Variants in BAZ2B observed in about 807,000 individuals in gnomAD.
BAZ2B encodes bromodomain adjacent to zinc finger domain protein 2B.
BAZ2B carries 91 observed loss-of-function variants against 246.0 expected under a neutral mutation model. That is an observed-to-expected ratio of 0.37 (90% CI 0.31 to 0.44). The LOEUF (loss-of-function observed/expected upper bound fraction) is 0.44, where lower values mean the gene tolerates loss of function less well. Ranked by LOEUF, BAZ2B falls within the 20% of genes least tolerant of loss-of-function variation. BAZ2B has a pLI of 1.00. For missense variants in BAZ2B, 2,332 were observed against 2,533.7 expected (o/e 0.92, Z 1.71); for synonymous variants, 855 against 860.0 (o/e 0.99, Z 0.10).
intron 19 of BAZ2B, 85 bp downstream of exon 19, chr2:159,397,260 A>G: frequency 7.7e-7 from 1 of 1,295,576 alleles, no homozygotes; most frequent in Non-Finnish European, 1.1e-6. Context: ...TTTAAAGAAA[A>G]TATTTTGAAG....
At chr2:159,504,423 C>G (rs2082125680) in intron 2 of BAZ2B, among the ~76,000 whole-genome samples, 1 of 152,144 alleles carries the variant, frequency 6.6e-6, no homozygotes, top group South Asian at 2.1e-4. Context: ...ACTTTAGCCT[C>G]TAACTCCTGG....
chr2:159,553,519 C>T (rs2088647137), intron 2 of BAZ2B, among the ~76,000 whole-genome samples: 1 of 151,318 alleles, frequency 6.6e-6, no homozygotes, highest in South Asian at 2.1e-4. Flanking sequence ...AATGAGAAGC[C>T]ACCACACATT....
chr2:159,357,815 A>G (rs1045316859), intron 27 of BAZ2B, among the ~76,000 whole-genome samples: 1 of 152,222 alleles, frequency 6.6e-6, no homozygotes, highest in Non-Finnish European at 1.5e-5. Context: ...AATATTCAAC[A>G]TTCTTAAAGA....
At chr2:159,389,134 C>T (rs2063014920) in intron 21 of BAZ2B, among the ~76,000 whole-genome samples, 1 of 151,840 alleles carries the variant, frequency 6.6e-6, no homozygotes, top group African/African-American at 2.4e-5. Flanking sequence ...ACCAAACAAA[C>T]AAACAAAAAA....
intron 31 of BAZ2B, among the ~76,000 whole-genome samples, chr2:159,345,765 G>A (rs2067675665): frequency 6.6e-6 from 1 of 152,190 alleles, no homozygotes; most frequent in African/African-American, 2.4e-5. Flanking sequence ...GACAAACTGA[G>A]AGGACAACCA....
the BAZ2B span, among the ~76,000 whole-genome samples, chr2:159,687,416 G>A: frequency 2.8e-4 from 42 of 152,150 alleles, 2 homozygotes; most frequent in Non-Finnish European, 1.5e-5. Context: ...AAGAAAGGGT[G>A]GAGACTGTAG....
rs2062442903 is a variant in BAZ2B at position 159,319,322 on chromosome 2, A to C, written c.*943T>G. 6.6e-6 allele frequency: 1 copy of C among 152,646 alleles called. No individual in the cohort carries two copies. Among genetic ancestry groups the C allele is most frequent in the Non-Finnish European group, 1.5e-5 (1 of 68,030 alleles). The allele number at this position is 152,646 out of a possible 1,614,324, so 9.5% of individuals were successfully genotyped here. ...CTTTAATTTAGGCCCTGGTGGCTTAAAATTATATAACAAAATAGAAAAATG... is the reference window on the plus strand; with the variant it reads ...CTTTAATTTAGGCCCTGGTGGCTTACAATTATATAACAAAATAGAAAAATG... On this transcript the variant is annotated 3_prime_UTR_variant, in exon 37 of 37. Transcript: ENST00000392783. The surrounding 1 kb of genome is among the most constrained non-coding windows in gnomAD (Gnocchi z 4.0).
At chr2:159,521,353 T>C (rs1415971779) in intron 2 of BAZ2B, among the ~76,000 whole-genome samples, 2 of 152,098 alleles carry the variant, frequency 1.3e-5, no homozygotes, top group African/African-American at 4.8e-5. Context: ...TTTTCTTTCT[T>C]TTCCTTAAAA....
intron 2 of BAZ2B, among the ~76,000 whole-genome samples, chr2:159,492,285 C>A (rs1004487298): frequency 1.3e-5 from 2 of 152,170 alleles, no homozygotes; most frequent in Non-Finnish European, 2.9e-5. Context: ...ATGAATGACA[C>A]CCCTGACAAG....
At chr2:159,644,358 T>C in the BAZ2B span, among the ~76,000 whole-genome samples, 1 of 152,190 alleles carries the variant, frequency 6.6e-6, no homozygotes, top group East Asian at 1.9e-4. Flanking sequence ...AGGCTGGAGA[T>C]AAGTGTGTTT....
intron 2 of BAZ2B, among the ~76,000 whole-genome samples, chr2:159,539,166 G>A (rs2086361313): frequency 6.6e-6 from 1 of 152,140 alleles, no homozygotes; most frequent in South Asian, 2.1e-4. Flanking sequence ...CCTCTACTGT[G>A]CCATCTACCA....
intron 3 of BAZ2B, chr2:159,463,208 C>T: frequency 1.9e-6 from 1 of 523,700 alleles, no homozygotes; most frequent in Non-Finnish European, 3.7e-6. Context: ...AATTTAGCAG[C>T]TATGCATACC....
chr2:159,666,045 A>C, the BAZ2B span, among the ~76,000 whole-genome samples: 1 of 151,034 alleles, frequency 6.6e-6, no homozygotes, highest in Admixed American at 6.6e-5. Flanking sequence ...ACTTTTGTTC[A>C]TTTGTTAAAT....
intron 3 of BAZ2B, among the ~76,000 whole-genome samples, chr2:159,471,742 T>C (rs1277492472): frequency 6.6e-6 from 1 of 152,204 alleles, no homozygotes; most frequent in Admixed American, 6.5e-5. Flanking sequence ...AAAAAGTCCT[T>C]TATAATCTTT....
At chr2:159,666,765 G>A in the BAZ2B span, among the ~76,000 whole-genome samples, 1 of 152,120 alleles carries the variant, frequency 6.6e-6, no homozygotes, top group Admixed American at 6.5e-5. Context: ...AGAGGCAGGA[G>A]AATTGCTTGA....
the BAZ2B span, among the ~76,000 whole-genome samples, chr2:159,666,214 T>C: frequency 6.6e-6 from 1 of 151,864 alleles, no homozygotes; most frequent in African/African-American, 2.4e-5. Context: ...TTTTAAATTT[T>C]GATCTTTAAA....
chr2:159,626,417 T>A, the BAZ2B span, among the ~76,000 whole-genome samples: 1 of 152,078 alleles, frequency 6.6e-6, no homozygotes, highest in African/African-American at 2.4e-5. Context: ...ATTGACCACA[T>A]AAGACGTAAA....
intron 23 of BAZ2B, 93 bp downstream of exon 23, chr2:159,385,062 A>C: frequency 7.6e-7 from 1 of 1,320,890 alleles, no homozygotes; most frequent in Non-Finnish European, 1.1e-6. Context: ...GCTAGTCTGT[A>C]ACTTTCCAAT....
At position 159,566,440 on chromosome 2, in the gene BAZ2B, T is replaced by C. The variant is rs1682613144; in HGVS notation, c.-45-10575A>G. ...AGTTAGATTTAGACTGAATCAACCTTAGACAAAAAGCAAAGCCAGCAATTT... is the reference window on the plus strand; with the variant it reads ...AGTTAGATTTAGACTGAATCAACCTCAGACAAAAAGCAAAGCCAGCAATTT... On this transcript the variant is annotated intron_variant, in intron 1 of 36. Transcript: ENST00000392783. Among the ~76,000 whole-genome samples the C allele has an allele frequency of 2.0e-5, 3 of 152,212 alleles. No homozygotes were observed. The South Asian group carries it at 6.2e-4, about 31-fold the overall frequency.
Sources: gnomAD v4.1 joint callset for allele counts (sites outside exome capture counted in the v4.1 genomes callset) on GRCh38, gnomAD v4.1.1 for gene constraint, Gnocchi (gnomAD v3.1) non-coding constraint, MANE v1.5 for transcripts, NCBI Gene and HGNC (gene_info 2026-07-23, HGNC 2026-07-21) for gene names.